CACNA2D3: variants seen among roughly 807,000 people sequenced by gnomAD.
CACNA2D3 encodes voltage-dependent calcium channel subunit alpha-2/delta-3.
In CACNA2D3, 60 loss-of-function variants were observed where a neutral mutation model predicts 160.6. The ratio of observed to expected loss-of-function variants is 0.37; its 90% confidence interval spans 0.30 to 0.46. The LOEUF is 0.46. Ranked by LOEUF, CACNA2D3 falls within the 20% of genes least tolerant of loss-of-function variation. The probability of loss-of-function intolerance (pLI) is 1.00; values close to 1 mark genes in which losing one functional copy is unlikely to be tolerated. For missense variants in CACNA2D3, 1,205 were observed against 1,365.0 expected, an observed-to-expected ratio of 0.88 and a Z score of 1.85; for synonymous variants, 558 against 492.9, an observed-to-expected ratio of 1.13 and a Z score of -1.75.
chr3:54,600,135 T>C (rs1473241146), intron 9 of CACNA2D3, among the ~76,000 whole-genome samples: 3 of 152,158 alleles, frequency 2.0e-5, no homozygotes, highest in Non-Finnish European at 4.4e-5. Flanking sequence ...TTTCAAGCAG[T>C]GTTCGACGCA....
intron 2 of CACNA2D3, among the ~76,000 whole-genome samples, chr3:54,181,520 A>T (rs538351607): frequency 2.6e-5 from 4 of 152,204 alleles, no homozygotes; most frequent in South Asian, 2.1e-4. Context: ...TGGGTTTAAA[A>T]TGTATGTGCC....
rs534556945 is a variant in CACNA2D3, at chr3:54,933,219, T to C, written c.2449+33351T>C. Among the ~76,000 whole-genome samples the C allele has an allele frequency of 2.0e-4, 31 of 152,322 alleles. No homozygotes were observed. In the East Asian group the frequency reaches 2.7e-3, roughly 13 times the overall value. On this transcript the variant is annotated intron_variant, in intron 27 of 37. Transcript: ENST00000474759. ...TTTAAAATGACAATCCCATTAATCATGTATTTAATGCTTACAATGGGGCAC... is the reference window on the plus strand; with the variant it reads ...TTTAAAATGACAATCCCATTAATCACGTATTTAATGCTTACAATGGGGCAC...
chr3:54,519,998 G>A (rs540848245), intron 5 of CACNA2D3, among the ~76,000 whole-genome samples: 2 of 152,354 alleles, frequency 1.3e-5, no homozygotes, highest in South Asian at 4.1e-4. Context: ...ATAAAGCTGT[G>A]TCTGCATTAA....
chr3:54,322,269 G>A (rs1158923539), intron 3 of CACNA2D3, among the ~76,000 whole-genome samples: 1 of 152,200 alleles, frequency 6.6e-6, no homozygotes, highest in Non-Finnish European at 1.5e-5. Flanking sequence ...GCCCCAAGGT[G>A]GGAGACCAGT....
At chr3:54,999,315 C>T (rs1702929517) in intron 31 of CACNA2D3, among the ~76,000 whole-genome samples, 1 of 152,180 alleles carries the variant, frequency 6.6e-6, no homozygotes, top group Non-Finnish European at 1.5e-5. Context: ...TGAGTAAGGG[C>T]TTCCCATGGC....
chr3:54,508,067 C>G (rs1701400695), intron 5 of CACNA2D3, among the ~76,000 whole-genome samples: 1 of 152,178 alleles, frequency 6.6e-6, no homozygotes, highest in Admixed American at 6.5e-5. Context: ...AACTCCAAGA[C>G]TGAGGGAGCT....
chr3:54,925,809 A>G (rs1415323728), intron 27 of CACNA2D3, among the ~76,000 whole-genome samples: 1 of 152,224 alleles, frequency 6.6e-6, no homozygotes, highest in Non-Finnish European at 1.5e-5. Flanking sequence ...CAGTAGCCAC[A>G]TGTGGCTAAT....
chr3:54,911,889 AAGCTACAGACATTGT>A (rs1700563886), intron 27 of CACNA2D3, among the ~76,000 whole-genome samples: 1 of 152,330 alleles, frequency 6.6e-6, no homozygotes, highest in Admixed American at 6.5e-5. Context: ...TAATGCCTTA[AAGCTACAGACATTGT>A]AGCTACAGAC....
At chr3:54,920,153 A>G (rs902062082) in intron 27 of CACNA2D3, among the ~76,000 whole-genome samples, 9 of 152,222 alleles carry the variant, frequency 5.9e-5, no homozygotes, top group African/African-American at 2.2e-4. Context: ...AAATTATACC[A>G]GAAAGACATA....
intron 27 of CACNA2D3, among the ~76,000 whole-genome samples, chr3:54,938,964 G>A (rs1025680928): frequency 6.6e-6 from 1 of 152,172 alleles, no homozygotes; most frequent in South Asian, 2.1e-4. Flanking sequence ...ACTTAGTCCA[G>A]AGGAAGTTGA....
intron 1 of CACNA2D3, 184 bp from the exon 2 acceptor site, chr3:54,123,329 G>T (rs1576940960): frequency 1.2e-5 from 7 of 592,530 alleles, no homozygotes; most frequent in Middle Eastern, 4.6e-4. Flanking sequence ...CCCCTCCCGC[G>T]CTGCGCTTTG....
At chr3:54,221,662 A>G (rs1027340906) in intron 2 of CACNA2D3, among the ~76,000 whole-genome samples, 1 of 152,208 alleles carries the variant, frequency 6.6e-6, no homozygotes, top group Non-Finnish European at 1.5e-5. Context: ...CACAGATGCT[A>G]AAGTCTTTCA....
At chr3:54,472,421 C>G (rs1457390024) in intron 4 of CACNA2D3, among the ~76,000 whole-genome samples, 2 of 152,194 alleles carry the variant, frequency 1.3e-5, no homozygotes, top group Non-Finnish European at 2.9e-5. Flanking sequence ...CTATTTATGA[C>G]AAACCACAGC....
At chr3:54,843,314 G>C (rs1698862474) in intron 16 of CACNA2D3, among the ~76,000 whole-genome samples, 1 of 152,190 alleles carries the variant, frequency 6.6e-6, no homozygotes. Context: ...GTATGGAAAG[G>C]ACAAAGCAAA....
At position 54,822,821 on chromosome 3, in the gene CACNA2D3, T is replaced by C. The variant is rs182862241; in HGVS notation, c.1398+5951T>C. Among the ~76,000 whole-genome samples the C allele has an allele frequency of 2.5e-3, 286 of 112,286 alleles. 7 individuals carry two copies. Among genetic ancestry groups the C allele is most frequent in the African/African-American group, 9.0e-3 (219 of 24,414 alleles). The allele number at this position is 112,286 out of a possible 152,430, so 73.7% of individuals were successfully genotyped here. ...TTTCTTTCTTTCTTTCTTTCTTTCT[T>C]TCTTTCTTTCTTTTCTTTCTTTCTT... On this transcript the variant is annotated intron_variant, in intron 14 of 37. Coordinates refer to ENST00000474759, the MANE Select transcript of CACNA2D3 (RefSeq NM_018398.3).
intron 35 of CACNA2D3, among the ~76,000 whole-genome samples, chr3:55,023,760 T>G (rs1003894205): frequency 3.9e-5 from 6 of 152,038 alleles, no homozygotes; most frequent in African/African-American, 1.4e-4. Flanking sequence ...GTTTTTTGTA[T>G]TTAGGAATTT....
chr3:54,893,058 T>G (rs1700104582), intron 25 of CACNA2D3, among the ~76,000 whole-genome samples: 1 of 152,158 alleles, frequency 6.6e-6, no homozygotes, highest in Admixed American at 6.5e-5. Context: ...GGCAGATCAC[T>G]TGAGGTCAGG....
At chr3:54,987,899 C>T (rs1026354966) in intron 31 of CACNA2D3, 146 bp downstream of exon 31, 10 of 587,872 alleles carry the variant, frequency 1.7e-5, no homozygotes, top group African/African-American at 3.8e-5. Flanking sequence ...CTCTGAAATT[C>T]GATGCCTCTT....
chr3:55,007,786 T>A lies in CACNA2D3; in HGVS notation c.2767-4T>A. 8.4e-6 allele frequency: 13 copies of A among 1,550,742 alleles called. No individual in the cohort carries two copies. The highest frequency in any genetic ancestry group is 1.1e-5 in the Non-Finnish European group (13 of 1,150,246). On this transcript the variant is annotated splice_region_variant and splice_polypyrimidine_tract_variant and intron_variant, in intron 32 of 37. Transcript: ENST00000474759. ...TTTTTAATGAACTGAATTCTTCTCT[T>A]CAGCCTTATAATGCCTTCCTCTCTG...
Sources: allele counts gnomAD v4.1 joint callset (sites outside exome capture counted in the v4.1 genomes callset), GRCh38; gene constraint gnomAD v4.1.1; transcripts MANE v1.5; gene names NCBI Gene and HGNC (gene_info 2026-07-23, HGNC 2026-07-21).